The following KIF5C variants were observed in gnomAD, a reference collection of about 807,000 sequenced individuals.
KIF5C encodes the protein kinesin family member 5C.
In KIF5C, 18 loss-of-function variants were observed where a neutral mutation model predicts 125.2. That is an observed-to-expected ratio of 0.14 (90% CI 0.10 to 0.21). KIF5C has a LOEUF of 0.21. KIF5C is among the 10% of genes least tolerant of loss of function. The pLI is 1.00. For synonymous variants in KIF5C, 405 were observed against 434.0 expected, an observed-to-expected ratio of 0.93 and a Z score of 0.83; for missense variants, 780 against 1,183.8, an observed-to-expected ratio of 0.66 and a Z score of 5.01.
At chr2:148,980,528 T>TA (rs760830671) in intron 13 of KIF5C, among the ~76,000 whole-genome samples, 43 of 151,600 alleles carry the variant, frequency 2.8e-4, no homozygotes, top group Non-Finnish European at 4.0e-4. Context: ...TGATGGATGT[T>TA]AAAAAAAAGG....
intron 11 of KIF5C, among the ~76,000 whole-genome samples, chr2:148,965,646 C>T (rs78938306): frequency 0.016 from 2,361 of 152,236 alleles, 71 homozygotes; most frequent in African/African-American, 0.054. Flanking sequence ...ACAGGGACAA[C>T]AGACCAGGCC....
At chr2:148,993,046 TGCCG>T (rs1183488154) in intron 16 of KIF5C, among the ~76,000 whole-genome samples, 1 of 152,222 alleles carries the variant, frequency 6.6e-6, no homozygotes, top group Non-Finnish European at 1.5e-5. Flanking sequence ...AACTGTTAGA[TGCCG>T]GCTGCCATTT....
At chr2:148,941,376 C>T (rs1179113658) in intron 4 of KIF5C, among the ~76,000 whole-genome samples, 1 of 152,160 alleles carries the variant, frequency 6.6e-6, no homozygotes, top group Non-Finnish European at 1.5e-5. Flanking sequence ...TGAATGACAA[C>T]CAAAGGGAGC....
chr2:148,894,259 A>C (rs1681779623), intron 1 of KIF5C, among the ~76,000 whole-genome samples: 1 of 152,228 alleles, frequency 6.6e-6, no homozygotes, highest in South Asian at 2.1e-4. Flanking sequence ...AAGAAATTAG[A>C]GATTCACTAA....
intron 25 of KIF5C, among the ~76,000 whole-genome samples, chr2:149,021,923 G>A (rs886914803): frequency 6.6e-6 from 1 of 152,154 alleles, no homozygotes; most frequent in South Asian, 2.1e-4. Context: ...CCGGTGACAG[G>A]AAACAGAGCC....
intron 1 of KIF5C, among the ~76,000 whole-genome samples, chr2:148,895,832 T>C (rs1423679118): frequency 1.5e-5 from 2 of 132,526 alleles, no homozygotes; most frequent in Non-Finnish European, 3.2e-5. Context: ...CTCACATGCC[T>C]GCTTTTCTGT....
At chr2:148,939,476 G>A (rs1300255934) in intron 4 of KIF5C, among the ~76,000 whole-genome samples, 1 of 152,134 alleles carries the variant, frequency 6.6e-6, no homozygotes, top group Non-Finnish European at 1.5e-5. Context: ...CTACTGCAGG[G>A]TTCTTATGTG....
chr2:148,875,325 G>C lies in KIF5C; in HGVS notation c.-293G>C, dbSNP rs1292230380. 1 of 307,204 alleles carries C rather than the reference G, an allele frequency of 3.3e-6. No homozygotes were observed. The highest frequency in any genetic ancestry group is 5.9e-6 in the Non-Finnish European group (1 of 168,354). 19.0% of individuals were successfully genotyped at this position (307,204 alleles called of 1,614,324 possible). A position where few individuals can be genotyped will look rare whatever the true frequency, so the allele number is the denominator to read the frequency against. On this transcript the variant is annotated 5_prime_UTR_variant, in exon 1 of 26. Coordinates refer to ENST00000435030, the MANE Select transcript of KIF5C (RefSeq NM_004522.3). ...TCCCTGCGCATCGCCTCCTCCGCCC[G>C]CCGCGTGGTCGCGGGCAGGTGGGCC...
chr2:148,882,817 C>T (rs985281354), intron 1 of KIF5C, among the ~76,000 whole-genome samples: 1 of 152,194 alleles, frequency 6.6e-6, no homozygotes, highest in Non-Finnish European at 1.5e-5. Flanking sequence ...TGCCCTTCCC[C>T]AGTAGAGCAT....
intron 14 of KIF5C, 42 bp from the exon 15 acceptor site, chr2:148,983,578 A>G: frequency 1.3e-6 from 2 of 1,509,902 alleles, no homozygotes; most frequent in South Asian, 1.4e-5. Flanking sequence ...TATGAAATTG[A>G]TGGGCAACCC....
chr2:148,998,721 G>A, intron 19 of KIF5C: 1 of 755,268 alleles, frequency 1.3e-6, no homozygotes, highest in Non-Finnish European at 2.0e-6. Flanking sequence ...GCAGGTGGCA[G>A]GCGGGCCCAG....
At chr2:148,915,292 T>C (rs1159288137) in intron 1 of KIF5C, among the ~76,000 whole-genome samples, 1 of 152,100 alleles carries the variant, frequency 6.6e-6, no homozygotes, top group Non-Finnish European at 1.5e-5. Context: ...GTATTAGTCA[T>C]CATTATGATC....
intron 23 of KIF5C, 68 bp downstream of exon 23, chr2:149,008,135 G>A: frequency 1.3e-6 from 2 of 1,521,336 alleles, no homozygotes; most frequent in Non-Finnish European, 1.8e-6. Flanking sequence ...CACCAGGTTT[G>A]GCCACAGTGT....
rs1338255702 is a variant in KIF5C at position 148,983,530 on chromosome 2, A to G, written c.1570-90A>G. On this transcript the variant is annotated intron_variant, in intron 14 of 25. Coordinates refer to ENST00000435030, the MANE Select transcript of KIF5C (RefSeq NM_004522.3). ...GGTTGAAGTCATGTAAAAGAAATCC[A>G]TTCTACATGATGGTGTTATTCTTTG... is the stretch of plus-strand genomic sequence containing the variant. 5.7e-6 allele frequency: 8 copies of G among 1,405,826 alleles called. No individual in the cohort carries two copies. In the South Asian group the frequency reaches 9.5e-5, roughly 17 times the overall value. 87.1% of individuals were successfully genotyped at this position (1,405,826 alleles called of 1,614,324 possible). A position where few individuals can be genotyped will look rare whatever the true frequency, so the allele number is the denominator to read the frequency against.
intron 22 of KIF5C, among the ~76,000 whole-genome samples, chr2:149,006,098 A>G (rs1429693608): frequency 6.6e-6 from 1 of 152,158 alleles, no homozygotes; most frequent in East Asian, 1.9e-4. Flanking sequence ...CAGTCTGGAG[A>G]CACTCCATAA....
rs756091766 is a variant in KIF5C, at chr2:148,947,031, G to C, written c.714+8G>C. 6.2e-7 allele frequency: 1 copy of C among 1,606,228 alleles called. No homozygotes were observed. Among genetic ancestry groups the C allele is most frequent in the Admixed American group, 1.7e-5 (1 of 57,934 alleles). On this transcript the variant is annotated splice_region_variant and intron_variant, in intron 8 of 25. Transcript: ENST00000435030. Reference sequence around the variant, plus strand: ...TTGGCTGGGAGCGAAAAGGTAATTTGTTCTTTATTTGTATTATCTATAATT... The same window carrying C: ...TTGGCTGGGAGCGAAAAGGTAATTTCTTCTTTATTTGTATTATCTATAATT...
At chr2:148,967,829 A>G (rs1203911204) in intron 11 of KIF5C, among the ~76,000 whole-genome samples, 3 of 152,068 alleles carry the variant, frequency 2.0e-5, no homozygotes, top group Non-Finnish European at 4.4e-5. Context: ...TTTGTTGCTC[A>G]TATGTGCGGG....
At chr2:148,919,864 CA>C (rs1279179496) in intron 1 of KIF5C, among the ~76,000 whole-genome samples, 1 of 152,180 alleles carries the variant, frequency 6.6e-6, no homozygotes, top group Non-Finnish European at 1.5e-5. Context: ...GGTCTCATAA[CA>C]AATCACTTTC....
Position 148,929,277 on chromosome 2 carries a change from A to G in KIF5C, c.218-4A>G. 1 of 1,526,608 alleles carries G rather than the reference A, an allele frequency of 6.6e-7. No homozygotes were observed. Among genetic ancestry groups the G allele is most frequent in the Non-Finnish European group, 8.8e-7 (1 of 1,137,642 alleles). 94.6% of individuals were successfully genotyped at this position (1,526,608 alleles called of 1,614,324 possible). The stretch of plus-strand genomic sequence containing the variant: ...TAATTTTAATTTCTTTTTCTTGTTC[A>G]CAGATGTCCTTGAAGGTTATAACGG... On this transcript the variant is annotated splice_region_variant and splice_polypyrimidine_tract_variant and intron_variant, in intron 2 of 25. Coordinates refer to ENST00000435030, the MANE Select transcript of KIF5C (RefSeq NM_004522.3).
Sources: gnomAD v4.1 joint callset for allele counts (sites outside exome capture counted in the v4.1 genomes callset) on GRCh38, gnomAD v4.1.1 for gene constraint, MANE v1.5 for transcripts, NCBI Gene and HGNC (gene_info 2026-07-23, HGNC 2026-07-21) for gene names.